Variants in PHOSPHO2 observed in about 807,000 individuals in gnomAD.
PHOSPHO2 encodes pyridoxal phosphate phosphatase PHOSPHO2.
Under a neutral mutation model 16.4 loss-of-function variants are expected in PHOSPHO2, and 14 were observed. The ratio of observed to expected loss-of-function variants is 0.85; its 90% confidence interval spans 0.56 to 1.33. PHOSPHO2 has a LOEUF of 1.33. Among genes scored for constraint, PHOSPHO2 ranks in the 40% most tolerant of loss-of-function variants. The probability of loss-of-function intolerance (pLI) is 0.00; values close to 1 mark genes in which losing one functional copy is unlikely to be tolerated. For synonymous variants in PHOSPHO2, 85 were observed against 90.5 expected (o/e 0.94, Z 0.34); for missense variants, 246 against 282.5 (o/e 0.87, Z 0.93).
intron 3 of PHOSPHO2, 106 bp from the exon 4 acceptor site, chr2:169,700,840 A>G (rs3829806): frequency 0.42 from 486,267 of 1,152,554 alleles, 104,996 homozygotes; most frequent in Middle Eastern, 0.47. Context: ...CTTTGTTTAT[A>G]TTCCTCCCTT....
At position 169,701,332 on chromosome 2, in the gene PHOSPHO2, G is replaced by C; in HGVS notation, c.361G>C (p.Val121Leu). Residue 121 changes from valine (V) to leucine (L), a missense_variant, in exon 4 of 4, where the codon GTG becomes CTG. Physicochemically the swap from Val to Leu is conservative, Grantham distance 32. Transcript: ENST00000359744. ...AASFHDIFDK[V>L]FTNPAAFNSN... ...CAGTTTTCATGACATATTTGATAAA[G>C]TGTTTACAAATCCAGCAGCTTTTAA... is the stretch of plus-strand genomic sequence containing the variant. The C allele has an allele frequency of 6.2e-7, 1 of 1,613,052 alleles. No individual in the cohort carries two copies. Among genetic ancestry groups the C allele is most frequent in the Non-Finnish European group, 8.5e-7 (1 of 1,179,684 alleles).
Position 169,701,244 on chromosome 2 carries a change from A to T in PHOSPHO2, c.273A>T (p.Lys91Asn). ...ACTTTATAAGAAAGAATAAGGATAA[A>T]TTTGACTGCATTATTATTTCAGATT... ...LFNFIRKNKD[K>N]FDCIIISDSN... Residue 91 changes from lysine (K) to asparagine (N), a missense_variant, in exon 4 of 4, where the codon AAA (lysine) becomes AAT (asparagine). Physicochemically the swap from Lys to Asn is moderately conservative, Grantham distance 94. Transcript: ENST00000359744. The T allele has an allele frequency of 6.2e-7, 1 of 1,614,000 alleles. No homozygotes were observed. The highest frequency in any genetic ancestry group is 8.5e-7 in the Non-Finnish European group (1 of 1,179,974).
chr2:169,701,197 C>A lies in PHOSPHO2; in HGVS notation c.226C>A (p.Pro76Thr), dbSNP rs533669177. 1.2e-6 allele frequency: 2 copies of A among 1,613,944 alleles called. No homozygotes were observed. The highest frequency in any genetic ancestry group is 2.2e-5 in the South Asian group (2 of 91,054). ...AGCAGTGACATCATTGCCTTTCACT[C>A]CAGGGATGGTGGAACTCTTCAACTT... is the stretch of plus-strand genomic sequence containing the variant. ...KRAVTSLPFTPGMVELFNFIR... is the reference protein window; with the variant it reads ...KRAVTSLPFTTGMVELFNFIR... The change falls in exon 4 of 4, where the codon CCA becomes ACA. Residue 76 changes from proline (P) to threonine (T), a missense_variant. Transcript: ENST00000359744.
intron 3 of PHOSPHO2, among the ~76,000 whole-genome samples, chr2:169,700,581 C>CTGTT (rs1687717381): frequency 6.6e-6 from 1 of 151,834 alleles, no homozygotes; most frequent in South Asian, 2.1e-4. Context: ...TATACATGAT[C>CTGTT]TGTTATTTAA....
In PHOSPHO2 at chr2:169,701,394, T is replaced by C; in HGVS notation, c.423T>C (p.Thr141=). Reference sequence around the variant, plus strand: ...ATCTCACTGTTGAAAATTATCATACTCATTCTTGCAATAGATGCCCAAAGA... The same window carrying C: ...ATCTCACTGTTGAAAATTATCATACCCATTCTTGCAATAGATGCCCAAAGA... The part of the protein sequence containing the change: ...NGHLTVENYH[T]HSCNRCPKNL... The change falls in exon 4 of 4, where the codon ACT becomes ACC. Residue 141 remains threonine (T), a synonymous_variant. Transcript: ENST00000359744. The C allele has an allele frequency of 6.2e-7, 1 of 1,613,624 alleles. No individual in the cohort carries two copies.
At chr2:169,700,674 TC>T (rs947891219) in intron 3 of PHOSPHO2, among the ~76,000 whole-genome samples, 2 of 152,062 alleles carry the variant, frequency 1.3e-5, no homozygotes, top group Non-Finnish European at 2.9e-5. Flanking sequence ...TGCTTTTTTT[TC>T]TTTCTTATAA....
At chr2:169,699,043 A>C (rs916691487) in intron 3 of PHOSPHO2, among the ~76,000 whole-genome samples, 1 of 152,198 alleles carries the variant, frequency 6.6e-6, no homozygotes, top group African/African-American at 2.4e-5. Context: ...GTTCAGGGGT[A>C]CATGTGCAGG....
chr2:169,695,891 T>G (rs1687512425), intron 2 of PHOSPHO2, among the ~76,000 whole-genome samples: 1 of 152,162 alleles, frequency 6.6e-6, no homozygotes, highest in Non-Finnish European at 1.5e-5. Flanking sequence ...GCCCTGAGCT[T>G]AGGGAACCCA....
Position 169,700,968 on chromosome 2 carries a change from A to G in PHOSPHO2, c.-4A>G. 1 of 1,585,668 alleles carries G rather than the reference A, an allele frequency of 6.3e-7. No individual in the cohort carries two copies. On this transcript the variant is annotated 5_prime_UTR_variant, in exon 4 of 4. Coordinates refer to ENST00000359744, the MANE Select transcript of PHOSPHO2 (RefSeq NM_001008489.4). Reference sequence around the variant, plus strand: ...CAGGGTAATCCAAATCTATTTCTGGAACCATGAAAATTTTGCTAGTTTTTG... The same window carrying G: ...CAGGGTAATCCAAATCTATTTCTGGGACCATGAAAATTTTGCTAGTTTTTG...
At chr2:169,695,865 G>A (rs1298899378) in intron 2 of PHOSPHO2, among the ~76,000 whole-genome samples, 3 of 152,040 alleles carry the variant, frequency 2.0e-5, no homozygotes, top group Admixed American at 1.3e-4. Context: ...AGTGTGTGTC[G>A]AATTACAGGA....
At chr2:169,699,477 T>C (rs188937166) in intron 3 of PHOSPHO2, among the ~76,000 whole-genome samples, 52 of 152,354 alleles carry the variant, frequency 3.4e-4, no homozygotes, top group African/African-American at 1.2e-3. Flanking sequence ...AGTGCTGCAG[T>C]GAACATACGC....
At chr2:169,700,356 T>C (rs890941048) in intron 3 of PHOSPHO2, among the ~76,000 whole-genome samples, 2 of 150,804 alleles carry the variant, frequency 1.3e-5, no homozygotes, top group East Asian at 3.9e-4. Context: ...CCACCTTGAG[T>C]TGATTTTTGT....
chr2:169,694,765 G>A (rs1216114774), intron 1 of PHOSPHO2, 143 bp downstream of exon 1: 1 of 272,436 alleles, frequency 3.7e-6, no homozygotes, highest in Non-Finnish European at 7.3e-6. Context: ...CGAGGCCTAG[G>A]CGTGGTGTGT....
At chr2:169,697,020 A>T (rs75556570) in intron 2 of PHOSPHO2, among the ~76,000 whole-genome samples, 146 of 134,342 alleles carry the variant, frequency 1.1e-3, no homozygotes, top group Middle Eastern at 4.0e-3. Context: ...AAAAAAAAAA[A>T]TTTTTTTTTT....
Position 169,701,084 on chromosome 2 carries a change from C to T in PHOSPHO2, c.113C>T (p.Ser38Phe). 1 of 1,614,014 alleles carries T rather than the reference C, an allele frequency of 6.2e-7. No individual in the cohort carries two copies. The highest frequency in any genetic ancestry group is 1.7e-4 in the Middle Eastern group (1 of 6,060). The change falls in exon 4 of 4, where the codon TCT (serine) becomes TTT (phenylalanine). Residue 38 changes from serine (S) to phenylalanine (F), a missense_variant. Coordinates refer to ENST00000359744, the MANE Select transcript of PHOSPHO2 (RefSeq NM_001008489.4). The part of the protein sequence containing the change: ...NKKLPIELRD[S>F]YRKGFWTEFM... ...AAGCTTCCTATTGAACTACGTGATT[C>T]TTATCGAAAAGGATTTTGGACAGAA... is the stretch of plus-strand genomic sequence containing the variant.
chr2:169,697,377 A>G lies in PHOSPHO2; in HGVS notation c.-181A>G, dbSNP rs1201591023. 6.6e-6 allele frequency: 1 copy of G among 152,204 alleles called. No homozygotes were observed. The highest frequency in any genetic ancestry group is 1.5e-5 in the Non-Finnish European group (1 of 68,034). 9.4% of individuals were successfully genotyped at this position (152,204 alleles called of 1,614,324 possible). Reference sequence around the variant, plus strand: ...TAATTTTAGGAGTTAAGAAGTTTCCATTATTTTGCTCCAAACCAGAAGACT... The same window carrying G: ...TAATTTTAGGAGTTAAGAAGTTTCCGTTATTTTGCTCCAAACCAGAAGACT... On this transcript the variant is annotated 5_prime_UTR_variant, in exon 3 of 4. Transcript: ENST00000359744.
intron 1 of PHOSPHO2, 174 bp downstream of exon 1, chr2:169,694,796 G>T (rs1349317198): frequency 4.3e-6 from 1 of 233,718 alleles, no homozygotes; most frequent in Admixed American, 4.8e-5. Flanking sequence ...ATCTCCTCGC[G>T]GGTGGAGTGT....
rs1411362558 is a variant in PHOSPHO2 at position 169,701,001 on chromosome 2, C to T, written c.30C>T (p.Asp10=). The change falls in exon 4 of 4, where the codon GAC becomes GAT. Residue 10 remains aspartate, a synonymous_variant. Transcript: ENST00000359744. MKILLVFDF[D]NTIIDDNSDT... ...AAATTTTGCTAGTTTTTGACTTTGA[C>T]AATACAATCATAGATGACAATAGTG... is the stretch of plus-strand genomic sequence containing the variant. 3.1e-6 allele frequency: 5 copies of T among 1,599,646 alleles called. No individual in the cohort carries two copies. The Admixed American group carries it at 6.9e-5, about 22-fold the overall frequency.
At chr2:169,696,884 C>T (rs952899683) in intron 2 of PHOSPHO2, among the ~76,000 whole-genome samples, 1 of 152,120 alleles carries the variant, frequency 6.6e-6, no homozygotes, top group Admixed American at 6.5e-5. Flanking sequence ...TGGACAAAAA[C>T]TTATTTTCAC....
Sources: gnomAD v4.1 joint callset for allele counts (sites outside exome capture counted in the v4.1 genomes callset) on GRCh38, gnomAD v4.1.1 for gene constraint, MANE v1.5 for transcripts, NCBI Gene and HGNC (gene_info 2026-07-23, HGNC 2026-07-21) for gene names.